ANGPT2: variants seen among roughly 807,000 people sequenced by gnomAD.
The protein encoded by ANGPT2 is angiopoietin-2.
ANGPT2 carries 28 observed loss-of-function variants against 62.9 expected under a neutral mutation model. The ratio of observed to expected loss-of-function variants is 0.44; its 90% CI spans 0.33 to 0.61. ANGPT2 has a LOEUF of 0.61. Ranked by LOEUF, ANGPT2 falls within the 20% of genes least tolerant of loss-of-function variation. The pLI is 0.03. For missense variants in ANGPT2, 727 were observed against 594.9 expected, an observed-to-expected ratio of 1.22 and a Z score of -2.31; for synonymous variants, 284 against 207.8, an observed-to-expected ratio of 1.37 and a Z score of -3.15.
chr8:6,539,020 G>T (rs1821015018), intron 1 of ANGPT2, among the ~76,000 whole-genome samples: 1 of 116,278 alleles, frequency 8.6e-6, no homozygotes, highest in South Asian at 3.3e-4. Flanking sequence ...CCTCCTTTTA[G>T]AGTTGGGCTT....
At chr8:6,550,487 G>A (rs1170126449) in intron 1 of ANGPT2, among the ~76,000 whole-genome samples, 1 of 152,160 alleles carries the variant, frequency 6.6e-6, no homozygotes, top group Admixed American at 6.5e-5. Context: ...GGGGTGAAGC[G>A]GAAACAAGGG....
chr8:6,559,548 G>T (rs3020237), intron 1 of ANGPT2, among the ~76,000 whole-genome samples: 2 of 138,766 alleles, frequency 1.4e-5, no homozygotes, highest in Admixed American at 7.2e-5. Context: ...GTTTGCCTCC[G>T]TAGTAGGCAT....
At chr8:6,532,591 A>AAC in intron 1 of ANGPT2, 104 bp from the exon 2 acceptor site, 1 of 847,372 alleles carries the variant, frequency 1.2e-6, no homozygotes, top group South Asian at 3.3e-5. Flanking sequence ...AAAAAAAAAA[A>AAC]ATCTATCAAA....
chr8:6,530,508 CAA>C (rs55729820), intron 2 of ANGPT2, among the ~76,000 whole-genome samples: 18,367 of 97,788 alleles, frequency 0.19, 1,003 homozygotes, highest in Admixed American at 0.26. Flanking sequence ...GACTCTGTCT[CAA>C]AAAAAAAAAA....
intron 3 of ANGPT2, among the ~76,000 whole-genome samples, chr8:6,527,127 A>G (rs140261923): frequency 1.7e-3 from 255 of 152,340 alleles, no homozygotes; most frequent in African/African-American, 6.0e-3. Flanking sequence ...TGCCTGGGCC[A>G]GTGGTTCTTT....
intron 8 of ANGPT2, 124 bp downstream of exon 8, chr8:6,508,808 T>C: frequency 1.5e-6 from 2 of 1,316,480 alleles, no homozygotes; most frequent in Non-Finnish European, 2.2e-6. Flanking sequence ...ATCAAGCTAG[T>C]GTGTCTACGT....
chr8:6,562,175 C>G (rs1470351651), intron 1 of ANGPT2, among the ~76,000 whole-genome samples: 1 of 152,178 alleles, frequency 6.6e-6, no homozygotes, highest in Non-Finnish European at 1.5e-5. Flanking sequence ...TGGTAAAGCA[C>G]TTTACTCCAT....
At chr8:6,562,190 T>G (rs1159083790) in intron 1 of ANGPT2, among the ~76,000 whole-genome samples, 6 of 152,198 alleles carry the variant, frequency 3.9e-5, no homozygotes, top group Admixed American at 1.3e-4. Context: ...CTCCATCCGT[T>G]ATGCCTCGGT....
rs1338679313 is a variant in ANGPT2, at chr8:6,501,959, TA to T, written c.*1141del. ...TTTTTTTTCAGTTTGCTGATTGACA[TA>T]AAAAAACTTACTAGTGTCAATTATT... On this transcript the variant is annotated 3_prime_UTR_variant, in exon 9 of 9. Transcript: ENST00000629816. The T allele has an allele frequency of 6.6e-6, 1 of 150,840 alleles. No homozygotes were observed. Among genetic ancestry groups the T allele is most frequent in the Non-Finnish European group, 1.5e-5 (1 of 67,754 alleles). 9.3% of individuals were successfully genotyped at this position (150,840 alleles called of 1,614,324 possible). A position where few individuals can be genotyped will look rare whatever the true frequency, so the allele number is the denominator to read the frequency against.
At chr8:6,538,340 T>C (rs966208214) in intron 1 of ANGPT2, among the ~76,000 whole-genome samples, 3 of 152,214 alleles carry the variant, frequency 2.0e-5, no homozygotes, top group African/African-American at 7.2e-5. Context: ...CACTGTCCTC[T>C]CTGTCTCTTG....
chr8:6,523,944 C>T (rs2129569984), intron 3 of ANGPT2, among the ~76,000 whole-genome samples: 1 of 151,120 alleles, frequency 6.6e-6, no homozygotes, highest in African/African-American at 2.4e-5. Context: ...CCTGACACTA[C>T]ATTATTCAGC....
intron 3 of ANGPT2, among the ~76,000 whole-genome samples, chr8:6,524,116 A>G (rs1817895816): frequency 6.6e-6 from 1 of 152,144 alleles, no homozygotes; most frequent in African/African-American, 2.4e-5. Context: ...TCTCTCTGAC[A>G]TTTTCCTTCC....
At chr8:6,547,589 A>G (rs1277244130) in intron 1 of ANGPT2, among the ~76,000 whole-genome samples, 1 of 152,188 alleles carries the variant, frequency 6.6e-6, no homozygotes, top group Non-Finnish European at 1.5e-5. Flanking sequence ...ACCACCGTAG[A>G]ATGGCTGACT....
chr8:6,516,071 G>A (rs897893931), intron 5 of ANGPT2, among the ~76,000 whole-genome samples: 3 of 152,184 alleles, frequency 2.0e-5, no homozygotes, highest in African/African-American at 7.2e-5. Flanking sequence ...CACCCAGCTC[G>A]TATTGCCTTC....
intron 8 of ANGPT2, among the ~76,000 whole-genome samples, chr8:6,505,635 A>G (rs1813450869): frequency 7.7e-6 from 1 of 129,896 alleles, no homozygotes; most frequent in African/African-American, 2.9e-5. Context: ...ATATGAATGT[A>G]TATATTCTTT....
intron 1 of ANGPT2, among the ~76,000 whole-genome samples, chr8:6,559,230 AACAC>A (rs59299448): frequency 0.034 from 5,029 of 146,812 alleles, 194 homozygotes; most frequent in African/African-American, 0.096. Flanking sequence ...CACACACGAC[AACAC>A]ACACACACAC....
intron 1 of ANGPT2, among the ~76,000 whole-genome samples, chr8:6,554,553 A>T (rs1364156552): frequency 6.6e-6 from 1 of 152,230 alleles, no homozygotes; most frequent in Non-Finnish European, 1.5e-5. Flanking sequence ...CATGACAGGT[A>T]ATTTTTAATG....
intron 1 of ANGPT2, among the ~76,000 whole-genome samples, chr8:6,557,497 G>A (rs1824827910): frequency 2.0e-5 from 3 of 152,052 alleles, no homozygotes; most frequent in African/African-American, 7.2e-5. Context: ...TAATTTAGGA[G>A]AAAATTCTCA....
chr8:6,539,848 A>G (rs2129573486), intron 1 of ANGPT2, among the ~76,000 whole-genome samples: 1 of 152,316 alleles, frequency 6.6e-6, no homozygotes, highest in East Asian at 1.9e-4. Flanking sequence ...TGGCCTCCCA[A>G]AGTGCTAGGA....
Sources: gnomAD v4.1 joint callset for allele counts (sites outside exome capture counted in the v4.1 genomes callset) on GRCh38, gnomAD v4.1.1 for gene constraint, MANE v1.5 for transcripts, NCBI Gene and HGNC (gene_info 2026-07-23, HGNC 2026-07-21) for gene names.